Variants in SIAH3 observed in about 807,000 individuals in gnomAD.
SIAH3 encodes seven in absentia homolog 3.
A neutral mutation model predicts 12.6 loss-of-function variants in SIAH3; 9 were observed. That is an observed-to-expected ratio of 0.72 (90% CI 0.43 to 1.25). The LOEUF (loss-of-function observed/expected upper bound fraction) is 1.25, where lower values mean the gene tolerates loss of function less well. Among genes scored for constraint, SIAH3 ranks in the 50% most tolerant of loss-of-function variants. The probability of loss-of-function intolerance (pLI) is 0.00; values close to 1 mark genes in which losing one functional copy is unlikely to be tolerated. For missense variants in SIAH3, 390 were observed against 365.4 expected (o/e 1.07, Z -0.55); for synonymous variants, 154 against 151.1 (o/e 1.02, Z -0.14).
intron 1 of SIAH3, among the ~76,000 whole-genome samples, chr13:45,822,970 C>T (rs555751742): frequency 6.8e-4 from 104 of 152,108 alleles, no homozygotes; most frequent in Non-Finnish European, 1.3e-3. Flanking sequence ...TGGAGAGGGG[C>T]GAGCACTTTA....
intron 1 of SIAH3, among the ~76,000 whole-genome samples, chr13:45,840,672 C>T (rs764338666): frequency 3.3e-5 from 5 of 152,090 alleles, no homozygotes; most frequent in South Asian, 2.1e-4. Flanking sequence ...CACCCCGAGC[C>T]GGAGCATCTT....
chr13:45,820,574 G>A (rs553116498), intron 1 of SIAH3, among the ~76,000 whole-genome samples: 3 of 152,254 alleles, frequency 2.0e-5, no homozygotes, highest in South Asian at 2.1e-4. Flanking sequence ...CATATGGTAC[G>A]GTGTGGGTGG....
In SIAH3 at chr13:45,784,156, T is replaced by G; in HGVS notation, c.136-99A>C. ...AAGTGTTAAAAAGCAGATCCTCCAG[T>G]GCAGGCTGAGAAAGGTTCATTTCTT... is the stretch of plus-strand genomic sequence containing the variant. On this transcript the variant is annotated intron_variant, in intron 1 of 1. Coordinates refer to ENST00000400405, the MANE Select transcript of SIAH3 (RefSeq NM_198849.3). 3.6e-6 allele frequency: 4 copies of G among 1,118,290 alleles called. No homozygotes were observed. In the South Asian group the frequency reaches 4.6e-5, roughly 13 times the overall value. 69.3% of individuals were successfully genotyped at this position (1,118,290 alleles called of 1,614,324 possible). A position where few individuals can be genotyped will look rare whatever the true frequency, so the allele number is the denominator to read the frequency against.
At chr13:45,828,014 C>T (rs1238308127) in intron 1 of SIAH3, among the ~76,000 whole-genome samples, 2 of 152,136 alleles carry the variant, frequency 1.3e-5, no homozygotes, top group Admixed American at 6.5e-5. Flanking sequence ...TTTCACTGGG[C>T]CCCACAAATT....
At chr13:45,848,035 A>C (rs538650799) in intron 1 of SIAH3, among the ~76,000 whole-genome samples, 2 of 152,246 alleles carry the variant, frequency 1.3e-5, no homozygotes, top group African/African-American at 4.8e-5. Flanking sequence ...GAGTGGAGCC[A>C]GGAGAGAAAG....
chr13:45,803,856 G>A (rs764136390), intron 1 of SIAH3, among the ~76,000 whole-genome samples: 1 of 152,058 alleles, frequency 6.6e-6, no homozygotes, highest in Non-Finnish European at 1.5e-5. Flanking sequence ...GATTTTAAGG[G>A]GGATATGGAC....
At chr13:45,801,098 G>GGC (rs776800848) in intron 1 of SIAH3, among the ~76,000 whole-genome samples, 41 of 122,986 alleles carry the variant, frequency 3.3e-4, no homozygotes, top group South Asian at 1.2e-3. Context: ...TGGGTGGCGG[G>GGC]GGGGGGCATG....
intron 1 of SIAH3, among the ~76,000 whole-genome samples, chr13:45,833,160 T>C (rs1200741663): frequency 6.6e-6 from 1 of 152,248 alleles, no homozygotes; most frequent in African/African-American, 2.4e-5. Context: ...CTCCCCATTA[T>C]AGCACCACTT....
intron 1 of SIAH3, among the ~76,000 whole-genome samples, chr13:45,829,315 G>A (rs547447013): frequency 2.0e-5 from 3 of 152,264 alleles, no homozygotes; most frequent in South Asian, 4.1e-4. Flanking sequence ...TCAAGATATA[G>A]AACATGGCTG....
chr13:45,795,658 C>T (rs1285219997), intron 1 of SIAH3, among the ~76,000 whole-genome samples: 4 of 152,168 alleles, frequency 2.6e-5, no homozygotes, highest in African/African-American at 9.7e-5. Context: ...TACCAGCATC[C>T]ATGAAACTGT....
At chr13:45,851,443 AG>A (rs1950781508) in intron 1 of SIAH3, 51 bp downstream of exon 1, 2 of 1,602,762 alleles carry the variant, frequency 1.2e-6, no homozygotes, top group African/African-American at 2.7e-5. Flanking sequence ...GCCGCCTCCG[AG>A]AAAGGACTTG....
At chr13:45,816,970 T>C (rs1950636899) in intron 1 of SIAH3, among the ~76,000 whole-genome samples, 1 of 152,250 alleles carries the variant, frequency 6.6e-6, no homozygotes, top group Non-Finnish European at 1.5e-5. Flanking sequence ...GGATGCATCC[T>C]GCATCCTGTT....
rs3058546 is a variant in SIAH3 at position 45,782,795 on chromosome 13, CCCCAG to C, written c.*583_*587del. 0.53 allele frequency: 79,721 copies of C among 151,276 alleles called. 21,288 individuals are homozygous for C. Among genetic ancestry groups the C allele is most frequent in the East Asian group, 0.78 (3,970 of 5,070 alleles). The allele number at this position is 151,276 out of a possible 1,614,324, so 9.4% of individuals were successfully genotyped here. A position where few individuals can be genotyped will look rare whatever the true frequency, so the allele number is the denominator to read the frequency against. The stretch of plus-strand genomic sequence containing the variant: ...CACACAATGACACCTCTAGCCCAGT[CCCCAG>C]CCCTGCGGTGGAGACACGATCTCCT... On this transcript the variant is annotated 3_prime_UTR_variant, in exon 2 of 2. Transcript: ENST00000400405.
chr13:45,814,732 C>CCT (rs1555258237), intron 1 of SIAH3, among the ~76,000 whole-genome samples: 2 of 146,722 alleles, frequency 1.4e-5, no homozygotes, highest in Non-Finnish European at 3.0e-5. Context: ...TTTGCCATTA[C>CCT]TTTTTTTTTT....
chr13:45,808,922 C>T (rs1029759187), intron 1 of SIAH3, among the ~76,000 whole-genome samples: 2 of 152,188 alleles, frequency 1.3e-5, no homozygotes, highest in African/African-American at 4.8e-5. Context: ...GTACCCATTT[C>T]GCATCTGATA....
At chr13:45,806,608 T>G (rs953776251) in intron 1 of SIAH3, among the ~76,000 whole-genome samples, 1 of 152,166 alleles carries the variant, frequency 6.6e-6, no homozygotes, top group Non-Finnish European at 1.5e-5. Context: ...AAAAAGTATC[T>G]ATTGCGTGCT....
chr13:45,789,029 A>T (rs756578617), intron 1 of SIAH3, among the ~76,000 whole-genome samples: 1 of 152,164 alleles, frequency 6.6e-6, no homozygotes, highest in Non-Finnish European at 1.5e-5. Context: ...GTCTGAGCCA[A>T]GTTGGGAGTC....
intron 1 of SIAH3, among the ~76,000 whole-genome samples, chr13:45,813,178 A>G (rs1227510264): frequency 6.6e-6 from 1 of 151,988 alleles, no homozygotes; most frequent in African/African-American, 2.4e-5. Context: ...ACCCGGTGGG[A>G]ACATGGTGAG....
intron 1 of SIAH3, among the ~76,000 whole-genome samples, chr13:45,820,296 T>G (rs146470802): frequency 0.012 from 1,756 of 152,208 alleles, 35 homozygotes; most frequent in African/African-American, 0.04. Context: ...TAAATGAAGC[T>G]TTGACGAGTG....
Sources: gnomAD v4.1 joint callset for allele counts (sites outside exome capture counted in the v4.1 genomes callset) on GRCh38, gnomAD v4.1.1 for gene constraint, MANE v1.5 for transcripts, NCBI Gene and HGNC (gene_info 2026-07-23, HGNC 2026-07-21) for gene names.